The following RIIAD1 variants were observed in gnomAD, a reference collection of about 807,000 sequenced individuals.
RIIAD1 encodes RIIa domain-containing protein 1.
Under a neutral mutation model 13.3 loss-of-function variants are expected in RIIAD1, and 15 were observed. The ratio of observed to expected loss-of-function variants is 1.13; its 90% CI spans 0.76 to 1.74. The LOEUF is 1.74. Among genes scored for constraint, RIIAD1 ranks in the 40% most tolerant of loss-of-function variants. The pLI, the probability that RIIAD1 is intolerant of heterozygous loss-of-function variation, is 0.00. For missense variants in RIIAD1, 121 were observed against 112.2 expected, an observed-to-expected ratio of 1.08 and a Z score of -0.35; for synonymous variants, 50 against 43.3, an observed-to-expected ratio of 1.16 and a Z score of -0.61.
intron 1 of RIIAD1, among the ~76,000 whole-genome samples, chr1:151,711,642 G>C (rs775847727): frequency 6.6e-6 from 1 of 152,236 alleles, no homozygotes; most frequent in East Asian, 1.9e-4. Flanking sequence ...CAGATGCTCA[G>C]GGTGCATGGG....
At chr1:151,717,687 C>G (rs1673588546), upstream of RIIAD1, among the ~76,000 whole-genome samples, 1 of 152,256 alleles carries the variant, frequency 6.6e-6, no homozygotes, top group Non-Finnish European at 1.5e-5. Context: ...CCACAGCTGT[C>G]AAGCTTCCCC....
At position 151,714,776 on chromosome 1, in the gene RIIAD1, C is replaced by T. The variant is rs1361643429; in HGVS notation, c.21+247C>T. 9 of 843,870 alleles carry T rather than the reference C, an allele frequency of 1.1e-5. 1 individual carries two copies. The highest frequency in any genetic ancestry group is 7.9e-5 in the South Asian group (5 of 63,480). 52.3% of individuals were successfully genotyped at this position (843,870 alleles called of 1,614,324 possible). On this transcript the variant is annotated intron_variant, in intron 4 of 8. Coordinates refer to the RIIAD1 transcript ENST00000326413. ...CAAAGACTGACGACTGGGAAGCTTTCCCTTCTTGTCATCTTCTGCCTGCTG... is the reference window on the plus strand; with the variant it reads ...CAAAGACTGACGACTGGGAAGCTTTTCCTTCTTGTCATCTTCTGCCTGCTG...
intron 4 of RIIAD1, among the ~76,000 whole-genome samples, chr1:151,715,241 T>G (rs1673378789): frequency 6.6e-6 from 1 of 151,978 alleles, no homozygotes; most frequent in Non-Finnish European, 1.5e-5. Flanking sequence ...GCTCTCCAAG[T>G]GCTGACCCTG....
In RIIAD1 at chr1:151,727,012, G is replaced by A. The variant is rs536699305; in HGVS notation, c.162-563G>A. On this transcript the variant is annotated intron_variant, in intron 2 of 4. Transcript: ENST00000479191. ...TCAGTGAAAATGATCGTTGAGGCCG[G>A]GTGCCGTGGCTCACGCCTGTAATCC... Among the ~76,000 whole-genome samples, 7 of 152,292 alleles carry A rather than the reference G, an allele frequency of 4.6e-5. No individual in the cohort carries two copies. In the East Asian group the frequency reaches 1.4e-3, roughly 29 times the overall value.
chr1:151,717,154 G>A (rs879686842), upstream of RIIAD1, among the ~76,000 whole-genome samples: 6 of 152,172 alleles, frequency 3.9e-5, no homozygotes, highest in Non-Finnish European at 7.4e-5. Flanking sequence ...GGGGAAAGAG[G>A]GGAGCCCGGC....
chr1:151,725,863 G>A (rs552368945), intron 2 of RIIAD1, among the ~76,000 whole-genome samples: 5 of 152,164 alleles, frequency 3.3e-5, no homozygotes, highest in African/African-American at 7.2e-5. Flanking sequence ...AAGGCTCTCC[G>A]TAATAGAACC....
chr1:151,716,815 C>T (rs1262224897), upstream of RIIAD1: 4 of 465,182 alleles, frequency 8.6e-6, no homozygotes, highest in Admixed American at 7.1e-5. Context: ...CCCCCCTCCA[C>T]ACCCCCCTCC....
At chr1:151,718,684 G>A (rs1056969541), upstream of RIIAD1, among the ~76,000 whole-genome samples, 1 of 152,158 alleles carries the variant, frequency 6.6e-6, no homozygotes, top group African/African-American at 2.4e-5. Context: ...GGTCCCCCAA[G>A]TAGGGTCCCC....
upstream of RIIAD1, chr1:151,719,744 CA>C: frequency 1.5e-6 from 1 of 650,342 alleles, no homozygotes; most frequent in Non-Finnish European, 2.8e-6. Flanking sequence ...GTTAAAAAAA[CA>C]AAAAGTAGCC....
chr1:151,716,655 A>AG, upstream of RIIAD1: 1 of 138,424 alleles, frequency 7.2e-6, no homozygotes, highest in South Asian at 7.2e-5. Context: ...GCCCCCCTTC[A>AG]GGTCCTCCCC....
chr1:151,716,842 T>G (rs777080778), upstream of RIIAD1: 192 of 455,864 alleles, frequency 4.2e-4, 1 homozygote, highest in Middle Eastern at 1.1e-3. Context: ...CCACCTCCTT[T>G]CCCCTGACAT....
At position 151,721,592 on chromosome 1, in the gene RIIAD1, CGCAGCTGGA is replaced by C; in HGVS notation, c.64_72del (p.Glu22_Leu24del). 1.5e-6 allele frequency: 2 copies of C among 1,309,436 alleles called. No individual in the cohort carries two copies. The highest frequency in any genetic ancestry group is 1.9e-6 in the Non-Finnish European group (2 of 1,026,104). 81.1% of individuals were successfully genotyped at this position (1,309,436 alleles called of 1,614,324 possible). On this transcript the variant is annotated inframe_deletion, in exon 1 of 5. Coordinates refer to ENST00000479191, the MANE Select transcript of RIIAD1 (RefSeq NM_001144956.3). Reference sequence around the variant, plus strand: ...CCCGACCCCGGGGCGCTTAGCGCAGCGCAGCTGGAGCAGCTGCGAAAATTCAAGGTGGGT... The same window carrying C: ...CCCGACCCCGGGGCGCTTAGCGCAGCGCAGCTGCGAAAATTCAAGGTGGGT...
intron 4 of RIIAD1, chr1:151,714,655 C>T (rs1272284572): frequency 1.3e-6 from 2 of 1,560,708 alleles, no homozygotes; most frequent in Non-Finnish European, 1.7e-6. Flanking sequence ...ATCCCGGGCA[C>T]AGTATGTCAG....
upstream of RIIAD1, chr1:151,716,940 T>G (rs1673527532): frequency 2.8e-6 from 1 of 354,684 alleles, no homozygotes; most frequent in Non-Finnish European, 6.1e-6. Context: ...CCTCTTTCTA[T>G]CTCCATCCTC....
upstream of RIIAD1, chr1:151,721,440 C>A (rs551220375): frequency 3.1e-6 from 2 of 644,590 alleles, no homozygotes; most frequent in South Asian, 9.0e-5. Flanking sequence ...CAGCCCCTAG[C>A]CCCTGCTTCG....
intron 4 of RIIAD1, chr1:151,714,534 G>C (rs1571937255): frequency 8.0e-7 from 1 of 1,249,774 alleles, no homozygotes; most frequent in Non-Finnish European, 1.1e-6. Context: ...AGGGTGGTGA[G>C]CCTCCTGCCA....
chr1:151,729,367 A>AC (rs1040457620), intron 4 of RIIAD1, 121 bp from the exon 5 acceptor site: 3 of 152,250 alleles, frequency 2.0e-5, no homozygotes, highest in African/African-American at 7.2e-5. Context: ...CATTAAGGCC[A>AC]CCACACGTTT....
intron 2 of RIIAD1, among the ~76,000 whole-genome samples, chr1:151,723,330 G>A (rs955838568): frequency 6.6e-6 from 1 of 152,042 alleles, no homozygotes; most frequent in Admixed American, 6.6e-5. Context: ...GGAGGCAAAG[G>A]TTGCAGTGAG....
chr1:151,715,708 A>C, intron 4 of RIIAD1: 1 of 1,553,552 alleles, frequency 6.4e-7, no homozygotes, highest in Non-Finnish European at 8.6e-7. Flanking sequence ...GGGTTTCCTG[A>C]TCACTCTAGC....
Sources: allele counts gnomAD v4.1 joint callset (sites outside exome capture counted in the v4.1 genomes callset), GRCh38; gene constraint gnomAD v4.1.1; transcripts MANE v1.5; gene names NCBI Gene and HGNC (gene_info 2026-07-23, HGNC 2026-07-21).